CYP2C19: variants seen among roughly 807,000 people sequenced by gnomAD.
CYP2C19 encodes cytochrome P450 family 2 subfamily C member 19, also known as cytochrome P450 2C19.
In CYP2C19, 59 loss-of-function variants were observed where a neutral mutation model predicts 40.9. The ratio of observed to expected loss-of-function variants is 1.44; its 90% CI spans 1.17 to 1.79. The LOEUF is 1.79. Among genes scored for constraint, CYP2C19 ranks in the 40% most tolerant of loss-of-function variants. The pLI is 0.00. For missense variants in CYP2C19, 754 were observed against 596.9 expected (o/e 1.26, Z -2.74); for synonymous variants, 253 against 208.7 (o/e 1.21, Z -1.83).
At chr10:94,802,218 T>C (rs1184752207) in intron 5 of CYP2C19, among the ~76,000 whole-genome samples, 2 of 152,126 alleles carry the variant, frequency 1.3e-5, no homozygotes, top group Non-Finnish European at 2.9e-5. Context: ...CTGATTTGTG[T>C]TTTTTACAGA....
At chr10:94,835,504 C>T (rs917162967) in intron 6 of CYP2C19, among the ~76,000 whole-genome samples, 5 of 152,164 alleles carry the variant, frequency 3.3e-5, no homozygotes, top group Non-Finnish European at 5.9e-5. Context: ...AGGGGTCCTT[C>T]TATAAGCATT....
chr10:94,798,641 T>G (rs1188451618), intron 5 of CYP2C19, among the ~76,000 whole-genome samples: 1 of 152,014 alleles, frequency 6.6e-6, no homozygotes, highest in Non-Finnish European at 1.5e-5. Flanking sequence ...TTTGTAGGTC[T>G]CTAAGGACCT....
chr10:94,781,983 A>G lies in CYP2C19; in HGVS notation c.805A>G (p.Ile269Val). 6.5e-7 allele frequency: 1 copy of G among 1,535,840 alleles called. No individual in the cohort carries two copies. Among genetic ancestry groups the G allele is most frequent in the South Asian group, 1.3e-5 (1 of 74,776 alleles). ...TCGGGACTTTATTGATTGCTTCCTG[A>G]TCAAAATGGAGAAGGTAAAATGTTA... is the stretch of plus-strand genomic sequence containing the variant. Reference protein sequence around the residue: ...NPRDFIDCFLIKMEKEKQNQQ... With the variant: ...NPRDFIDCFLVKMEKEKQNQQ... Residue 269 changes from isoleucine to valine, a missense_variant, in exon 5 of 9, where the codon ATC (isoleucine) becomes GTC (valine). Coordinates refer to ENST00000371321, the MANE Select transcript of CYP2C19 (RefSeq NM_000769.4).
intron 5 of CYP2C19, among the ~76,000 whole-genome samples, chr10:94,795,125 G>C (rs1057393483): frequency 2.7e-5 from 4 of 150,908 alleles, no homozygotes; most frequent in African/African-American, 9.7e-5. Flanking sequence ...ATTTACATTA[G>C]GTATATCTCC....
intron 7 of CYP2C19, among the ~76,000 whole-genome samples, chr10:94,844,549 C>G (rs1383011094): frequency 6.6e-6 from 1 of 152,094 alleles, no homozygotes; most frequent in Non-Finnish European, 1.5e-5. Context: ...TAAACCAAGA[C>G]ATATTATTAG....
At chr10:94,791,919 C>G (rs1464319314) in intron 5 of CYP2C19, among the ~76,000 whole-genome samples, 1 of 152,058 alleles carries the variant, frequency 6.6e-6, no homozygotes, top group Non-Finnish European at 1.5e-5. Flanking sequence ...CCTGGATATC[C>G]TTATTAACTT....
chr10:94,846,987 CAT>C lies in CYP2C19; in HGVS notation c.1150-2927_1150-2926del, dbSNP rs1235221241. Among the ~76,000 whole-genome samples the C allele has an allele frequency of 2.6e-5, 4 of 152,238 alleles. No individual in the cohort carries two copies. The East Asian group carries it at 7.7e-4, about 29-fold the overall frequency. ...TAGAAGACGTCGTTTGAAGCTCAAT[CAT>C]ATGTTTATTCACAAATGCCCTGTGA... On this transcript the variant is annotated intron_variant, in intron 7 of 8. Transcript: ENST00000371321.
chr10:94,793,827 A>G (rs756126797), intron 5 of CYP2C19, among the ~76,000 whole-genome samples: 13 of 152,158 alleles, frequency 8.5e-5, no homozygotes, highest in Non-Finnish European at 1.8e-4. Flanking sequence ...TTGAGGAGGC[A>G]GTCTGTCCAT....
At position 94,852,963 on chromosome 10, in the gene CYP2C19, T is replaced by C; in HGVS notation, c.*49T>C. On this transcript the variant is annotated 3_prime_UTR_variant, in exon 9 of 9. Transcript: ENST00000371321. ...TCCTGTGCTGTCCCTGCAGCTCTCT[T>C]TCCTCTGGTCCAAATTTCACTATCT... 1 of 1,591,072 alleles carries C rather than the reference T, an allele frequency of 6.3e-7. No individual in the cohort carries two copies. The highest frequency in any genetic ancestry group is 8.6e-7 in the Non-Finnish European group (1 of 1,163,068).
intron 6 of CYP2C19, among the ~76,000 whole-genome samples, chr10:94,841,227 T>C (rs567669075): frequency 2.0e-5 from 3 of 152,292 alleles, no homozygotes; most frequent in Admixed American, 2.0e-4. Context: ...ACCCGGCAAC[T>C]AGTGTTCAGG....
chr10:94,793,415 C>T (rs746836113), intron 5 of CYP2C19, among the ~76,000 whole-genome samples: 1 of 152,164 alleles, frequency 6.6e-6, no homozygotes, highest in African/African-American at 2.4e-5. Context: ...GGAGCTGCTT[C>T]CTTTGGAGGA....
chr10:94,810,543 C>T (rs1848904845), intron 5 of CYP2C19, among the ~76,000 whole-genome samples: 1 of 151,900 alleles, frequency 6.6e-6, no homozygotes, highest in African/African-American at 2.4e-5. Context: ...GTGGGCTATT[C>T]CTTGCTGCCT....
chr10:94,787,935 T>C (rs1027396350), intron 5 of CYP2C19, among the ~76,000 whole-genome samples: 5 of 152,180 alleles, frequency 3.3e-5, no homozygotes, highest in African/African-American at 1.2e-4. Flanking sequence ...GGAATAGCAT[T>C]GAATCTGTAG....
chr10:94,834,666 T>C (rs1849375253), intron 6 of CYP2C19, among the ~76,000 whole-genome samples: 1 of 152,170 alleles, frequency 6.6e-6, no homozygotes, highest in African/African-American at 2.4e-5. Flanking sequence ...CCTGGGTTTA[T>C]ATCCCAATCA....
chr10:94,852,595 C>G (rs1004053966), intron 8 of CYP2C19, 138 bp from the exon 9 acceptor site: 12 of 856,362 alleles, frequency 1.4e-5, no homozygotes, highest in Admixed American at 2.6e-5. Context: ...CACCCAACCA[C>G]CCATCTATCT....
chr10:94,784,217 A>T (rs1848513034), intron 5 of CYP2C19, among the ~76,000 whole-genome samples: 1 of 124,932 alleles, frequency 8.0e-6, no homozygotes, highest in African/African-American at 3.0e-5. Context: ...AAGTTGTAGC[A>T]TATATCTGTA....
chr10:94,807,696 C>T (rs542558822), intron 5 of CYP2C19, among the ~76,000 whole-genome samples: 14 of 152,062 alleles, frequency 9.2e-5, no homozygotes, highest in East Asian at 1.9e-4. Context: ...TTTTGGGAGA[C>T]GCCTGTTCAG....
At chr10:94,769,298 G>T (rs1247301926) in intron 1 of CYP2C19, among the ~76,000 whole-genome samples, 1 of 152,118 alleles carries the variant, frequency 6.6e-6, no homozygotes, top group Non-Finnish European at 1.5e-5. Context: ...CTGAGAAGTG[G>T]CCTAGATCTT....
intron 5 of CYP2C19, among the ~76,000 whole-genome samples, chr10:94,820,234 T>G (rs1046463130): frequency 6.6e-6 from 1 of 151,950 alleles, no homozygotes; most frequent in Non-Finnish European, 1.5e-5. Flanking sequence ...ATTGATGGGA[T>G]GTATTTCAAA....
Sources: allele counts gnomAD v4.1 joint callset (sites outside exome capture counted in the v4.1 genomes callset), GRCh38; gene constraint gnomAD v4.1.1; transcripts MANE v1.5; gene names NCBI Gene and HGNC (gene_info 2026-07-23, HGNC 2026-07-21).